ATP11B: variants seen among roughly 807,000 people sequenced by gnomAD.
The protein encoded by ATP11B is phospholipid-transporting ATPase IF.
A neutral mutation model predicts 157.8 loss-of-function variants in ATP11B; 81 were observed. The observed-to-expected ratio is 0.51, with a 90% CI of 0.43 to 0.62. ATP11B has a LOEUF of 0.62. ATP11B is among the 20% of genes least tolerant of loss of function. The pLI is 0.00. For synonymous variants in ATP11B, 451 were observed against 469.4 expected, an observed-to-expected ratio of 0.96 and a Z score of 0.51; for missense variants, 1,165 against 1,402.2, an observed-to-expected ratio of 0.83 and a Z score of 2.70.
At position 182,889,475 on chromosome 3, in the gene ATP11B, G is replaced by T. The variant is rs1723028078; in HGVS notation, c.2909G>T (p.Ser970Ile). The change falls in exon 25 of 30, where the codon AGT becomes ATT. Residue 970 changes from serine to isoleucine, a missense_variant. Ser to Ile is a moderately radical substitution (Grantham distance 142). This residue lies in a region of ATP11B where 303 missense variants were observed against 296.3 expected (regional missense o/e 1.02). Coordinates refer to ENST00000323116, the MANE Select transcript of ATP11B (RefSeq NM_014616.3). ...TFLYWTILGF[S>I]HAFIFFFGSY... ...CTTTATTGGACCATCCTGGGCTTCA[G>T]TCATGCCTTTATTTTCTTTTTTGGA... The T allele has an allele frequency of 6.3e-7, 1 of 1,576,988 alleles. No homozygotes were observed. The highest frequency in any genetic ancestry group is 8.6e-7 in the Non-Finnish European group (1 of 1,167,898).
chr3:182,840,450 G>A (rs904254163), intron 7 of ATP11B, among the ~76,000 whole-genome samples: 10 of 152,110 alleles, frequency 6.6e-5, no homozygotes, highest in East Asian at 1.9e-4. Context: ...GCTGACTGTC[G>A]GATTTATTTC....
In ATP11B at chr3:182,848,619, G is replaced by A. The variant is rs1719724133; in HGVS notation, c.851+62G>A. 1.1e-5 allele frequency: 9 copies of A among 821,936 alleles called. No individual in the cohort carries two copies. In the South Asian group the frequency reaches 1.2e-4, roughly 11 times the overall value. 50.9% of individuals were successfully genotyped at this position (821,936 alleles called of 1,614,324 possible). A position where few individuals can be genotyped will look rare whatever the true frequency, so the allele number is the denominator to read the frequency against. Reference sequence around the variant, plus strand: ...TAACTCTACATTTTTTATTCGTTTGGTATAAAATATTATATATATAATATA... The same window carrying A: ...TAACTCTACATTTTTTATTCGTTTGATATAAAATATTATATATATAATATA... On this transcript the variant is annotated intron_variant, in intron 10 of 29. Transcript: ENST00000323116.
Position 182,918,636 on chromosome 3 carries a change from C to G in ATP11B, c.*532C>G, listed in dbSNP as rs1725284235. ...CCCTCAGTGACCTGTGTTGTTAATT[C>G]ATTAATGCATTCTGAGTTCACAGAG... On this transcript the variant is annotated 3_prime_UTR_variant, in exon 30 of 30. Transcript: ENST00000323116. The G allele has an allele frequency of 2.9e-6, 1 of 340,916 alleles. No individual in the cohort carries two copies. Among genetic ancestry groups the G allele is most frequent in the East Asian group, 4.4e-5 (1 of 22,770 alleles). 21.1% of individuals were successfully genotyped at this position (340,916 alleles called of 1,614,324 possible).
Position 182,869,214 on chromosome 3 carries a change from T to C in ATP11B, c.1763-14T>C. On this transcript the variant is annotated splice_polypyrimidine_tract_variant and intron_variant, in intron 16 of 29. Coordinates refer to ENST00000323116, the MANE Select transcript of ATP11B (RefSeq NM_014616.3). ...AATATTAAGAGTCTGATAACTCATT[T>C]TTTTTGTCTCTAGGTGAGAAGTTAT... is the stretch of plus-strand genomic sequence containing the variant. The C allele has an allele frequency of 1.2e-6, 2 of 1,601,500 alleles. No homozygotes were observed. Among genetic ancestry groups the C allele is most frequent in the Non-Finnish European group, 1.7e-6 (2 of 1,172,290 alleles).
intron 28 of ATP11B, among the ~76,000 whole-genome samples, chr3:182,910,268 T>C (rs1265394961): frequency 6.6e-6 from 1 of 152,016 alleles, no homozygotes; most frequent in Non-Finnish European, 1.5e-5. Context: ...TTTTAATAAC[T>C]GTCCTTCAGT....
chr3:182,847,050 CTTTTTT>C (rs201462644), intron 9 of ATP11B, among the ~76,000 whole-genome samples: 1 of 132,720 alleles, frequency 7.5e-6, no homozygotes, highest in Non-Finnish European at 1.6e-5. Flanking sequence ...TACTTTAAAA[CTTTTTT>C]TTTTTTTTTT....
chr3:182,793,834 C>G, intron 1 of ATP11B, 48 bp downstream of exon 1: 1 of 1,231,196 alleles, frequency 8.1e-7, no homozygotes, highest in Non-Finnish European at 1.0e-6. Context: ...CCCGCGGGGC[C>G]TCTCGGCCCG....
intron 12 of ATP11B, among the ~76,000 whole-genome samples, chr3:182,863,893 C>G (rs1172317805): frequency 6.6e-6 from 1 of 151,928 alleles, no homozygotes; most frequent in Non-Finnish European, 1.5e-5. Context: ...CTCATTCTTC[C>G]TGATCTACAT....
At chr3:182,885,116 TTTAAAG>T (rs1188306814) in intron 22 of ATP11B, among the ~76,000 whole-genome samples, 1 of 152,142 alleles carries the variant, frequency 6.6e-6, no homozygotes, top group African/African-American at 2.4e-5. Context: ...ATTTGATATC[TTTAAAG>T]TTATTTTGTC....
intron 12 of ATP11B, among the ~76,000 whole-genome samples, chr3:182,862,065 G>A (rs1720884336): frequency 6.6e-6 from 1 of 151,794 alleles, no homozygotes; most frequent in Non-Finnish European, 1.5e-5. Context: ...GGAGAACATG[G>A]CAAAACCCCA....
intron 2 of ATP11B, among the ~76,000 whole-genome samples, chr3:182,824,177 C>A (rs1717567536): frequency 1.3e-5 from 2 of 152,128 alleles, no homozygotes; most frequent in Admixed American, 1.3e-4. Context: ...TCATTCCTTT[C>A]TAGTGCATAG....
At chr3:182,801,447 T>G (rs1716007638) in intron 1 of ATP11B, among the ~76,000 whole-genome samples, 1 of 152,248 alleles carries the variant, frequency 6.6e-6, no homozygotes, top group African/African-American at 2.4e-5. Flanking sequence ...ATTTTTATTC[T>G]TTCTTTAAGC....
chr3:182,881,383 G>A (rs942963146), intron 21 of ATP11B, among the ~76,000 whole-genome samples: 6 of 151,592 alleles, frequency 4.0e-5, no homozygotes, highest in East Asian at 1.9e-4. Context: ...GCAGTGAGCC[G>A]AGGCTGAGGC....
intron 19 of ATP11B, among the ~76,000 whole-genome samples, chr3:182,878,321 T>C (rs1722188317): frequency 6.6e-6 from 1 of 152,240 alleles, no homozygotes; most frequent in Non-Finnish European, 1.5e-5. Flanking sequence ...TCTCACTTCT[T>C]ATTTTTAAGT....
intron 4 of ATP11B, among the ~76,000 whole-genome samples, chr3:182,834,663 T>G (rs1171515250): frequency 6.6e-6 from 1 of 152,226 alleles, no homozygotes; most frequent in Non-Finnish European, 1.5e-5. Flanking sequence ...CTTTTCCACT[T>G]AAAAGATCGC....
chr3:182,881,404 CTTGAA>C (rs1275324247), intron 21 of ATP11B, among the ~76,000 whole-genome samples: 11 of 151,514 alleles, frequency 7.3e-5, no homozygotes, highest in Non-Finnish European at 1.3e-4. Context: ...AGGAGAATTG[CTTGAA>C]CCCAGGAGGC....
At chr3:182,798,134 GA>G (rs1376930704) in intron 1 of ATP11B, among the ~76,000 whole-genome samples, 1 of 152,146 alleles carries the variant, frequency 6.6e-6, no homozygotes, top group Non-Finnish European at 1.5e-5. Context: ...GAGACCGTCT[GA>G]AAAGAATAGT....
intron 20 of ATP11B, among the ~76,000 whole-genome samples, chr3:182,880,322 C>T (rs555893836): frequency 6.6e-6 from 1 of 152,256 alleles, no homozygotes; most frequent in Admixed American, 6.5e-5. Flanking sequence ...TGTTACAGTA[C>T]TGATACTATG....
At chr3:182,884,719 T>C in intron 21 of ATP11B, 34 bp from the exon 22 acceptor site, 10 of 1,561,430 alleles carry the variant, frequency 6.4e-6, no homozygotes, top group Non-Finnish European at 8.6e-6. Flanking sequence ...ATTACAGTTA[T>C]CAGTGAACAT....
Sources: allele counts gnomAD v4.1 joint callset (sites outside exome capture counted in the v4.1 genomes callset), GRCh38; gene constraint gnomAD v4.1.1; regional missense constraint gnomAD v4.1.1; transcripts MANE v1.5; gene names NCBI Gene and HGNC (gene_info 2026-07-23, HGNC 2026-07-21).